KCNMA1: variants seen among roughly 807,000 people sequenced by gnomAD.
KCNMA1 encodes potassium calcium-activated channel subfamily M alpha 1.
Under a neutral mutation model 140.0 loss-of-function variants are expected in KCNMA1, and 29 were observed. The ratio of observed to expected loss-of-function variants is 0.21; its 90% CI spans 0.15 to 0.28. The LOEUF (loss-of-function observed/expected upper bound fraction) is 0.28, where lower values mean the gene tolerates loss of function less well. KCNMA1 is among the 10% of genes least tolerant of loss of function. The pLI is 1.00. For synonymous variants in KCNMA1, 612 were observed against 611.9 expected, an observed-to-expected ratio of 1.00 and a Z score of 0.00; for missense variants, 880 against 1,602.2, an observed-to-expected ratio of 0.55 and a Z score of 7.70.
chr10:76,978,688 A>G (rs2078438079), intron 19 of KCNMA1: 1 of 152,162 alleles, frequency 6.6e-6, no homozygotes, highest in African/African-American at 2.4e-5. Context: ...ATAGATTTGG[A>G]TTTACTGTAG....
At chr10:77,545,870 G>A (rs1039373181) in intron 1 of KCNMA1, among the ~76,000 whole-genome samples, 1 of 152,144 alleles carries the variant, frequency 6.6e-6, no homozygotes, top group Non-Finnish European at 1.5e-5. Flanking sequence ...ACTGAGTCAG[G>A]CACTGACCCC....
At chr10:77,429,998 C>T (rs1209263005) in intron 1 of KCNMA1, among the ~76,000 whole-genome samples, 1 of 152,128 alleles carries the variant, frequency 6.6e-6, no homozygotes, top group African/African-American at 2.4e-5. Context: ...CAAGAAGATA[C>T]AAGATACAAG....
intron 5 of KCNMA1, among the ~76,000 whole-genome samples, chr10:77,147,298 A>C (rs2098322778): frequency 6.6e-6 from 1 of 152,226 alleles, no homozygotes; most frequent in South Asian, 2.1e-4. Context: ...GGGAACTAGA[A>C]GCCTGTGTCA....
At chr10:77,227,928 G>A (rs1256066794) in intron 3 of KCNMA1, among the ~76,000 whole-genome samples, 1 of 151,606 alleles carries the variant, frequency 6.6e-6, no homozygotes, top group South Asian at 2.1e-4. Flanking sequence ...ACTTACAAGG[G>A]CCACAGCGCC....
intron 1 of KCNMA1, among the ~76,000 whole-genome samples, chr10:77,454,191 A>C (rs1015804022): frequency 2.0e-5 from 3 of 152,082 alleles, no homozygotes; most frequent in African/African-American, 7.2e-5. Context: ...AAAAAATTGA[A>C]CCCATAATGA....
intron 5 of KCNMA1, among the ~76,000 whole-genome samples, chr10:77,161,200 G>A (rs779901064): frequency 3.9e-5 from 6 of 152,178 alleles, no homozygotes; most frequent in Non-Finnish European, 8.8e-5. Flanking sequence ...TCAGGCCAAG[G>A]TGAGAAGGAT....
At chr10:77,577,040 C>G (rs1459496056) in intron 1 of KCNMA1, among the ~76,000 whole-genome samples, 1 of 151,848 alleles carries the variant, frequency 6.6e-6, no homozygotes, top group East Asian at 1.9e-4. Context: ...TGTGAAGTAG[C>G]ATGCCAAACA....
At chr10:77,621,830 G>A (rs1376483849) in intron 1 of KCNMA1, among the ~76,000 whole-genome samples, 2 of 152,138 alleles carry the variant, frequency 1.3e-5, no homozygotes, top group African/African-American at 4.8e-5. Context: ...GCAAGTCCCA[G>A]CTACTCAGGA....
intron 6 of KCNMA1, among the ~76,000 whole-genome samples, chr10:77,114,206 C>T (rs759231722): frequency 1.3e-5 from 2 of 152,170 alleles, no homozygotes; most frequent in Non-Finnish European, 2.9e-5. Context: ...ACTGGTGTTC[C>T]TTGAGTGGAT....
In KCNMA1 at chr10:77,073,213, C is replaced by T; in HGVS notation, c.1633G>A (p.Gly545Ser). The change falls in exon 14 of 28, where the codon GGT becomes AGT. Residue 545 changes from glycine to serine, a missense_variant. By Grantham distance (56) the Gly-to-Ser change is moderately conservative. This residue lies in a region of KCNMA1 where 198 missense variants were observed against 580.1 expected (regional missense o/e 0.34). Transcript: ENST00000286628. ...TCTGCGAGGCAGATTGCGTCATCAC[C>T]TTCTTTCCAATTCCAGCTCGGGATG... is the stretch of plus-strand genomic sequence containing the variant. ...LNIPSWNWKE[G>S]DDAICLAELK... The T allele has an allele frequency of 6.2e-7, 1 of 1,614,238 alleles. No individual in the cohort carries two copies. Among genetic ancestry groups the T allele is most frequent in the Non-Finnish European group, 8.5e-7 (1 of 1,180,030 alleles).
rs949430183 is a variant in KCNMA1, at chr10:77,104,504, T to C, written c.1223+3977A>G. On this transcript the variant is annotated intron_variant, in intron 9 of 27. Coordinates refer to ENST00000286628, the MANE Select transcript of KCNMA1 (RefSeq NM_001161352.2). ...TGACTCATTCCCCTCTCGTGTGCCC[T>C]GTCAGCATTTGGCTACCAGGAATCA... Among the ~76,000 whole-genome samples the C allele has an allele frequency of 3.3e-5, 5 of 152,202 alleles. No individual in the cohort carries two copies. In the East Asian group the frequency reaches 9.6e-4, roughly 29 times the overall value.
chr10:77,352,376 C>T (rs565176550), intron 2 of KCNMA1, among the ~76,000 whole-genome samples: 5 of 152,204 alleles, frequency 3.3e-5, no homozygotes, highest in Non-Finnish European at 7.3e-5. Context: ...TGCCCATTCC[C>T]GTTCCCTTTC....
At chr10:77,076,919 T>C (rs1250055972) in intron 13 of KCNMA1, among the ~76,000 whole-genome samples, 1 of 152,148 alleles carries the variant, frequency 6.6e-6, no homozygotes, top group Non-Finnish European at 1.5e-5. Flanking sequence ...CAGCTATCTC[T>C]TGGAATATGT....
At chr10:77,532,542 C>T (rs2057916615) in intron 1 of KCNMA1, among the ~76,000 whole-genome samples, 1 of 152,194 alleles carries the variant, frequency 6.6e-6, no homozygotes, top group Non-Finnish European at 1.5e-5. Flanking sequence ...GAATACCTCC[C>T]TCCAAATTTT....
chr10:76,928,344 G>T (rs1280210708), intron 23 of KCNMA1, among the ~76,000 whole-genome samples: 1 of 151,182 alleles, frequency 6.6e-6, no homozygotes, highest in Admixed American at 6.6e-5. Context: ...CCTAAAGAGA[G>T]AAGAAATATA....
chr10:77,143,331 C>T (rs946400131), intron 5 of KCNMA1, among the ~76,000 whole-genome samples: 20 of 152,186 alleles, frequency 1.3e-4, no homozygotes, highest in Non-Finnish European at 2.6e-4. Flanking sequence ...ATCATATGAT[C>T]ATTTTAATAG....
chr10:77,590,475 G>C (rs1426138204), intron 1 of KCNMA1, among the ~76,000 whole-genome samples: 1 of 152,220 alleles, frequency 6.6e-6, no homozygotes, highest in Non-Finnish European at 1.5e-5. Flanking sequence ...AGCAGCTGCT[G>C]GCCCAAGTGC....
chr10:77,290,584 T>A (rs149504188), intron 2 of KCNMA1, among the ~76,000 whole-genome samples: 30 of 152,282 alleles, frequency 2.0e-4, no homozygotes, highest in African/African-American at 6.7e-4. Context: ...CACAGACCCA[T>A]AATTGGGAGT....
At chr10:77,417,816 A>G (rs182330649) in intron 1 of KCNMA1, among the ~76,000 whole-genome samples, 222 of 152,256 alleles carry the variant, frequency 1.5e-3, no homozygotes, top group African/African-American at 5.2e-3. Flanking sequence ...CTTTCCCCAC[A>G]CTTAAGATGA....
Sources: gnomAD v4.1 joint callset for allele counts (sites outside exome capture counted in the v4.1 genomes callset) on GRCh38, gnomAD v4.1.1 for gene constraint, gnomAD v4.1.1 regional missense constraint, MANE v1.5 for transcripts, NCBI Gene and HGNC (gene_info 2026-07-23, HGNC 2026-07-21) for gene names.